FGD3: variants seen among roughly 807,000 people sequenced by gnomAD.
FGD3 encodes FYVE, RhoGEF and PH domain containing 3.
FGD3 carries 45 observed loss-of-function variants against 71.8 expected under a neutral mutation model. That is an observed-to-expected ratio of 0.63 (90% CI 0.49 to 0.80). The LOEUF is 0.80. Ranked by LOEUF, FGD3 falls within the 30% of genes least tolerant of loss-of-function variation. The probability of loss-of-function intolerance (pLI) is 0.00; values close to 1 mark genes in which losing one functional copy is unlikely to be tolerated. For missense variants in FGD3, 844 were observed against 951.5 expected (o/e 0.89, Z 1.49); for synonymous variants, 378 against 392.8 (o/e 0.96, Z 0.44).
intron 15 of FGD3, chr9:93,032,292 T>C (rs556148174): frequency 5.9e-6 from 1 of 170,374 alleles, no homozygotes; most frequent in East Asian, 1.5e-4. Flanking sequence ...CCACAGAGGC[T>C]GTACCAGTTT....
At chr9:92,952,233 A>ATTTTTTTT (rs35969028) in intron 1 of FGD3, among the ~76,000 whole-genome samples, 1 of 127,800 alleles carries the variant, frequency 7.8e-6, no homozygotes, top group Admixed American at 8.1e-5. Flanking sequence ...TTGAAAGTCA[A>ATTTTTTTT]TTTTTTTTTT....
At chr9:93,019,785 T>A (rs1269078979) in intron 11 of FGD3, 46 bp from the exon 12 acceptor site, 2 of 1,585,390 alleles carry the variant, frequency 1.3e-6, no homozygotes, top group South Asian at 2.2e-5. Flanking sequence ...TCATTTAGAG[T>A]CAGTATCCAA....
At position 92,965,994 on chromosome 9, in the gene FGD3, A is replaced by G. The variant is rs4147165; in HGVS notation, c.-217-9244A>G. On this transcript the variant is annotated intron_variant, in intron 1 of 17. Transcript: ENST00000375482. ...AAAACAATGAACAAGGACAGGAGGA[A>G]GAGCAGAGCCGGGCACTGTGGTGCC... Among the ~76,000 whole-genome samples the G allele has an allele frequency of 4.4e-4, 67 of 152,326 alleles. No individual in the cohort carries two copies. In the East Asian group the frequency reaches 0.012, roughly 28 times the overall value.
intron 8 of FGD3, among the ~76,000 whole-genome samples, chr9:93,013,303 C>A (rs901738274): frequency 6.6e-6 from 1 of 152,242 alleles, no homozygotes; most frequent in African/African-American, 2.4e-5. Context: ...CAGGTACAGA[C>A]TCAGACATGT....
Position 93,032,700 on chromosome 9 carries a change from C to T in FGD3, c.1681-69C>T, listed in dbSNP as rs992652865. ...ACTCCACCTCCCGCCCACTCTACCTCCTCTGGCATCTTCCTGGATAATCCT... is the reference window on the plus strand; with the variant it reads ...ACTCCACCTCCCGCCCACTCTACCTTCTCTGGCATCTTCCTGGATAATCCT... On this transcript the variant is annotated intron_variant, in intron 15 of 17. Transcript: ENST00000375482. The T allele has an allele frequency of 2.1e-5, 31 of 1,465,108 alleles. No individual in the cohort carries two copies. The African/African-American group carries it at 3.1e-4, about 14-fold the overall frequency. 90.8% of individuals were successfully genotyped at this position (1,465,108 alleles called of 1,614,324 possible).
At chr9:93,007,243 A>T (rs1252308727) in intron 6 of FGD3, among the ~76,000 whole-genome samples, 2 of 151,374 alleles carry the variant, frequency 1.3e-5, no homozygotes, top group African/African-American at 2.4e-5. Flanking sequence ...GGCGCCCGCC[A>T]CCACGCCCGG....
intron 1 of FGD3, among the ~76,000 whole-genome samples, chr9:92,956,529 C>T (rs536158900): frequency 7.9e-5 from 12 of 152,336 alleles, no homozygotes; most frequent in Middle Eastern, 6.8e-3. Flanking sequence ...GGGACAACCA[C>T]GTGAGGACAC....
At chr9:92,996,557 A>C (rs906770700) in intron 3 of FGD3, among the ~76,000 whole-genome samples, 1 of 151,876 alleles carries the variant, frequency 6.6e-6, no homozygotes, top group African/African-American at 2.4e-5. Flanking sequence ...TAGTTCTTTT[A>C]ATTGTGATGT....
chr9:93,025,870 G>A (rs1018248224), intron 14 of FGD3, among the ~76,000 whole-genome samples: 4 of 152,234 alleles, frequency 2.6e-5, no homozygotes, highest in African/African-American at 9.6e-5. Flanking sequence ...CTCTTCTCAG[G>A]CACTGCCCCT....
chr9:92,956,338 A>C (rs963254030), intron 1 of FGD3, among the ~76,000 whole-genome samples: 1 of 152,202 alleles, frequency 6.6e-6, no homozygotes, highest in African/African-American at 2.4e-5. Context: ...TTGGGGGACT[A>C]TTATGGGCCT....
chr9:93,006,318 A>G, intron 6 of FGD3, 138 bp downstream of exon 6: 2 of 954,578 alleles, frequency 2.1e-6, no homozygotes, highest in Non-Finnish European at 1.4e-6. Context: ...TTTGGAACAT[A>G]GAGAAAATTA....
chr9:93,032,183 A>C (rs1345082121), intron 15 of FGD3, among the ~76,000 whole-genome samples: 1 of 152,122 alleles, frequency 6.6e-6, no homozygotes, highest in Non-Finnish European at 1.5e-5. Context: ...ATCCCTTCAG[A>C]TCCTCCTTTC....
chr9:93,003,491 T>C lies in FGD3; in HGVS notation c.543+477T>C, dbSNP rs1860937131. Among the ~76,000 whole-genome samples the C allele has an allele frequency of 6.6e-6, 1 of 152,248 alleles. No individual in the cohort carries two copies. Among genetic ancestry groups the C allele is most frequent in the African/African-American group, 2.4e-5 (1 of 41,466 alleles). Reference sequence around the variant, plus strand: ...GAGGAGAAGGCTTTGCCAAGTCACCTGTGGGACATTTCTTCTTGGCAGCTG... The same window carrying C: ...GAGGAGAAGGCTTTGCCAAGTCACCCGTGGGACATTTCTTCTTGGCAGCTG... On this transcript the variant is annotated intron_variant, in intron 4 of 17. Transcript: ENST00000375482. The surrounding 1 kb of genome is among the most constrained non-coding windows in gnomAD (Gnocchi z 4.1).
chr9:92,999,773 T>C (rs1860792757), intron 3 of FGD3, among the ~76,000 whole-genome samples: 1 of 152,036 alleles, frequency 6.6e-6, no homozygotes, highest in South Asian at 2.1e-4. Context: ...TTTGTATTTT[T>C]AGTTGAGATG....
chr9:93,010,421 G>A (rs759873249), intron 7 of FGD3, 37 bp downstream of exon 7: 1 of 1,575,782 alleles, frequency 6.3e-7, no homozygotes, highest in African/African-American at 1.4e-5. Context: ...AGGGTGCAGG[G>A]GCACCTGCCA....
intron 15 of FGD3, 122 bp downstream of exon 15, chr9:93,030,118 C>A (rs977490005): frequency 8.9e-7 from 1 of 1,129,290 alleles, no homozygotes. Flanking sequence ...GAAGGGCTTC[C>A]TGATCCTGGC....
intron 1 of FGD3, among the ~76,000 whole-genome samples, chr9:92,950,745 G>A (rs143218741): frequency 1.8e-4 from 27 of 152,304 alleles, no homozygotes; most frequent in African/African-American, 6.3e-4. Flanking sequence ...TGTGGCTAGG[G>A]TGCCTGGTGA....
rs917736127 is a variant in FGD3, at chr9:92,992,019, A to G, written c.454-10906A>G. Among the ~76,000 whole-genome samples, 8 of 152,010 alleles carry G rather than the reference A, an allele frequency of 5.3e-5. No individual in the cohort carries two copies. In the East Asian group the frequency reaches 1.5e-3, roughly 29 times the overall value. The stretch of plus-strand genomic sequence containing the variant: ...CATGGACTATCTTTTTTCATCCTTA[A>G]CTTTCAGTTTATGTGTGTCTTTACA... On this transcript the variant is annotated intron_variant, in intron 3 of 17. Transcript: ENST00000375482.
chr9:92,953,212 A>AT (rs1247884816), intron 1 of FGD3, among the ~76,000 whole-genome samples: 1 of 151,948 alleles, frequency 6.6e-6, no homozygotes, highest in Non-Finnish European at 1.5e-5. Context: ...CACATTGATA[A>AT]TTTTTTCCTA....
Sources: allele counts gnomAD v4.1 joint callset (sites outside exome capture counted in the v4.1 genomes callset), GRCh38; gene constraint gnomAD v4.1.1; non-coding constraint Gnocchi (gnomAD v3.1); transcripts MANE v1.5; gene names NCBI Gene and HGNC (gene_info 2026-07-23, HGNC 2026-07-21).